Variants in DRC11 observed in about 807,000 individuals in gnomAD.
DRC11 encodes dynein regulatory complex subunit 11.
the DRC11 span, among the ~76,000 whole-genome samples, chr2:236,407,084 T>A: frequency 6.6e-6 from 1 of 152,190 alleles, no homozygotes; most frequent in Non-Finnish European, 1.5e-5. Flanking sequence ...AGCTCGTCAT[T>A]TTACTTTCTG....
At chr2:236,456,316 A>G in the DRC11 span, among the ~76,000 whole-genome samples, 1 of 152,202 alleles carries the variant, frequency 6.6e-6, no homozygotes, top group Non-Finnish European at 1.5e-5. The surrounding 1 kb of genome is among the most constrained non-coding windows in gnomAD (Gnocchi z 5.4). Flanking sequence ...AGAGGTTAAG[A>G]AACTGGCTCA....
At chr2:236,391,137 T>C in the DRC11 span, 1 of 152,226 alleles carries the variant, frequency 6.6e-6, no homozygotes, top group Non-Finnish European at 1.5e-5. This position sits in a 1 kb window ranked among gnomAD's most constrained non-coding sequence, Gnocchi z 4.5. Flanking sequence ...TGTTTTCAGC[T>C]TACAGTGAAA....
chr2:236,503,653 A>ACGG, the DRC11 span: 4 of 1,550,810 alleles, frequency 2.6e-6, no homozygotes, highest in African/African-American at 1.4e-5. The surrounding 1 kb of genome is among the most constrained non-coding windows in gnomAD (Gnocchi z 4.9). Flanking sequence ...GCGCTGAGAG[A>ACGG]CGGCGTCATC....
At chr2:236,408,570 T>C in the DRC11 span, 16 of 727,322 alleles carry the variant, frequency 2.2e-5, 1 homozygote, top group Non-Finnish European at 3.3e-5. This position sits in a 1 kb window ranked among gnomAD's most constrained non-coding sequence, Gnocchi z 5.5. Flanking sequence ...GAAGCAGGTA[T>C]ATGTGGGTGT....
the DRC11 span, among the ~76,000 whole-genome samples, chr2:236,355,794 G>A: frequency 6.6e-6 from 1 of 151,962 alleles, no homozygotes; most frequent in Non-Finnish European, 1.5e-5. Flanking sequence ...TAGCAGCAAT[G>A]TCTTTGTCTG....
chr2:236,505,713 C>A, the DRC11 span, among the ~76,000 whole-genome samples: 1 of 152,268 alleles, frequency 6.6e-6, no homozygotes, highest in African/African-American at 2.4e-5. Context: ...TGCCTTCCTA[C>A]CTGTTCCATT....
the DRC11 span, among the ~76,000 whole-genome samples, chr2:236,389,546 A>G: frequency 1.3e-5 from 2 of 151,938 alleles, no homozygotes; most frequent in Non-Finnish European, 2.9e-5. Context: ...GCACCCACTG[A>G]CCTGTGCCCA....
At chr2:236,439,289 T>G in the DRC11 span, among the ~76,000 whole-genome samples, 1 of 152,210 alleles carries the variant, frequency 6.6e-6, no homozygotes, top group Admixed American at 6.5e-5. Context: ...AGCTGTTTTT[T>G]TGAAAGGATC....
At chr2:236,431,487 G>A in the DRC11 span, among the ~76,000 whole-genome samples, 2,807 of 152,232 alleles carry the variant, frequency 0.018, 84 homozygotes, top group African/African-American at 0.063. This position sits in a 1 kb window ranked among gnomAD's most constrained non-coding sequence, Gnocchi z 4.2. Context: ...TGCCTGCATG[G>A]TTCAATTACC....
At chr2:236,341,416 T>A in the DRC11 span, among the ~76,000 whole-genome samples, 5 of 151,610 alleles carry the variant, frequency 3.3e-5, no homozygotes, top group Admixed American at 6.6e-5. Flanking sequence ...GGGGCAGGGG[T>A]GTGTTTGTAA....
chr2:236,320,831 G>GT, the DRC11 span, among the ~76,000 whole-genome samples: 2 of 143,498 alleles, frequency 1.4e-5, no homozygotes, highest in Non-Finnish European at 3.2e-5. Flanking sequence ...TCCCTCCGCC[G>GT]GTACCCCCCC....
chr2:236,389,395 G>C, the DRC11 span, among the ~76,000 whole-genome samples: 1 of 152,150 alleles, frequency 6.6e-6, no homozygotes, highest in Non-Finnish European at 1.5e-5. Context: ...TCGGAAAAGC[G>C]CAGTATTCGG....
the DRC11 span, among the ~76,000 whole-genome samples, chr2:236,461,750 G>C: frequency 4.6e-5 from 7 of 152,130 alleles, no homozygotes; most frequent in Middle Eastern, 3.2e-3. This position sits in a 1 kb window ranked among gnomAD's most constrained non-coding sequence, Gnocchi z 4.0. Flanking sequence ...GGAAACTGAC[G>C]CACAGAGAAG....
At chr2:236,478,415 A>T in the DRC11 span, among the ~76,000 whole-genome samples, 1 of 152,206 alleles carries the variant, frequency 6.6e-6, no homozygotes, top group East Asian at 1.9e-4. The surrounding 1 kb of genome is among the most constrained non-coding windows in gnomAD (Gnocchi z 5.9). Flanking sequence ...AATACTTGAT[A>T]TGATTTCAAA....
At chr2:236,473,683 T>C in the DRC11 span, among the ~76,000 whole-genome samples, 1 of 152,190 alleles carries the variant, frequency 6.6e-6, no homozygotes, top group Non-Finnish European at 1.5e-5. This position sits in a 1 kb window ranked among gnomAD's most constrained non-coding sequence, Gnocchi z 4.8. Context: ...TCCACTCCAT[T>C]GGCTCTGCCA....
chr2:236,336,574 C>T, the DRC11 span, among the ~76,000 whole-genome samples: 1 of 147,690 alleles, frequency 6.8e-6, no homozygotes, highest in Non-Finnish European at 1.5e-5. The surrounding 1 kb of genome is among the most constrained non-coding windows in gnomAD (Gnocchi z 7.3). Flanking sequence ...TTCCCAACAC[C>T]CTCCCCAGAG....
At chr2:236,409,483 G>T in the DRC11 span, among the ~76,000 whole-genome samples, 1 of 152,120 alleles carries the variant, frequency 6.6e-6, no homozygotes. Flanking sequence ...TGCTGAAGTT[G>T]CCTATCAGCT....
At chr2:236,389,529 G>A in the DRC11 span, among the ~76,000 whole-genome samples, 3 of 152,124 alleles carry the variant, frequency 2.0e-5, no homozygotes, top group African/African-American at 4.8e-5. Flanking sequence ...GCTCGCGACC[G>A]GTGCGCGCAC....
the DRC11 span, among the ~76,000 whole-genome samples, chr2:236,409,877 T>C: frequency 6.6e-6 from 1 of 152,366 alleles, no homozygotes; most frequent in East Asian, 1.9e-4. Flanking sequence ...CATGTGGTTT[T>C]TGTCTTTGGT....
Sources: gnomAD v4.1 joint callset for allele counts (sites outside exome capture counted in the v4.1 genomes callset) on GRCh38, gnomAD v4.1.1 for gene constraint, Gnocchi (gnomAD v3.1) non-coding constraint, MANE v1.5 for transcripts, NCBI Gene and HGNC (gene_info 2026-07-23, HGNC 2026-07-21) for gene names.